The following RPS6KA2 variants were observed in gnomAD, a reference collection of about 807,000 sequenced individuals.
RPS6KA2 encodes ribosomal protein S6 kinase A2, also known as ribosomal protein S6 kinase alpha-2.
In RPS6KA2, 42 loss-of-function variants were observed where a neutral mutation model predicts 91.8. The observed-to-expected ratio is 0.46, with a 90% CI of 0.36 to 0.59. The LOEUF (loss-of-function observed/expected upper bound fraction) is 0.59. Among genes scored for constraint, RPS6KA2 ranks in the 20% least tolerant of loss-of-function variants. The pLI is 0.00. For missense variants in RPS6KA2, 798 were observed against 978.5 expected (o/e 0.82, Z 2.46); for synonymous variants, 414 against 393.6 (o/e 1.05, Z -0.61).
At chr6:166,610,121 T>C (rs1786113927) in intron 1 of RPS6KA2, among the ~76,000 whole-genome samples, 1 of 152,214 alleles carries the variant, frequency 6.6e-6, no homozygotes, top group Admixed American at 6.5e-5. Flanking sequence ...CAATGCTTCA[T>C]GGTAAACAGC....
chr6:166,604,079 T>A (rs1785849562), intron 1 of RPS6KA2, among the ~76,000 whole-genome samples: 1 of 152,182 alleles, frequency 6.6e-6, no homozygotes, highest in Admixed American at 6.5e-5. Context: ...TGATTAACCC[T>A]CCATGGAAAA....
At chr6:166,472,214 C>T (rs538620357) in intron 10 of RPS6KA2, among the ~76,000 whole-genome samples, 7 of 152,322 alleles carry the variant, frequency 4.6e-5, no homozygotes, top group African/African-American at 1.2e-4. Context: ...CCCTGGTACA[C>T]GCACAGGTGT....
chr6:166,735,045 A>G (rs962179542), intron 2 of RPS6KA2, among the ~76,000 whole-genome samples: 2 of 152,206 alleles, frequency 1.3e-5, no homozygotes, highest in Non-Finnish European at 2.9e-5. Context: ...GAATTATATC[A>G]TTCACAAAAA....
chr6:166,847,399 G>GA (rs1780633332), intron 2 of RPS6KA2, among the ~76,000 whole-genome samples: 1 of 151,998 alleles, frequency 6.6e-6, no homozygotes, highest in African/African-American at 2.4e-5. Flanking sequence ...CACAGAACTA[G>GA]AAAAAACAAT....
chr6:166,681,697 C>CCCCCA (rs1788818702), intron 2 of RPS6KA2, among the ~76,000 whole-genome samples: 1 of 74,238 alleles, frequency 1.3e-5, no homozygotes, highest in African/African-American at 6.7e-5. Flanking sequence ...CCCGCCCCCC[C>CCCCCA]CCCCGCCCCC....
rs112340841 is a variant in RPS6KA2, at chr6:166,418,092, GAAA to G, written c.1938+130_1938+132del. On this transcript the variant is annotated intron_variant, in intron 19 of 20. Transcript: ENST00000265678. The surrounding 1 kb of genome is among the most constrained non-coding windows in gnomAD (Gnocchi z 4.9). ...GAGACAGAGCGAGACTCCATTTCAA[GAAA>G]AAAAAAAAAATATGCTGAGGATAAA... The G allele has an allele frequency of 2.8e-5, 16 of 573,782 alleles. No individual in the cohort carries two copies. The highest frequency in any genetic ancestry group is 6.4e-5 in the East Asian group (2 of 31,124). 35.5% of individuals were successfully genotyped at this position (573,782 alleles called of 1,614,324 possible). A position where few individuals can be genotyped will look rare whatever the true frequency, so the allele number is the denominator to read the frequency against.
In RPS6KA2 at chr6:166,508,425, A is replaced by G. The variant is rs2128481808; in HGVS notation, c.380-143T>C. 1 of 614,444 alleles carries G rather than the reference A, an allele frequency of 1.6e-6. No homozygotes were observed. Among genetic ancestry groups the G allele is most frequent in the Non-Finnish European group, 2.9e-6 (1 of 339,646 alleles). The allele number at this position is 614,444 out of a possible 1,614,324, so 38.1% of individuals were successfully genotyped here. On this transcript the variant is annotated intron_variant, in intron 4 of 20. Transcript: ENST00000265678. This position sits in a 1 kb window ranked among gnomAD's most constrained non-coding sequence, Gnocchi z 4.3. The stretch of plus-strand genomic sequence containing the variant: ...AACGGCAGGACCCCGGCTGGTGACC[A>G]GCTCAGAGGGGCAGCACCCGGCAGA...
At chr6:166,544,686 C>T (rs538342729) in intron 1 of RPS6KA2, 2 of 152,174 alleles carry the variant, frequency 1.3e-5, no homozygotes, top group African/African-American at 4.8e-5. Context: ...GGGCCTAGGA[C>T]GTTTAGAGTG....
At chr6:166,744,698 G>A (rs1327212298) in intron 2 of RPS6KA2, among the ~76,000 whole-genome samples, 6 of 152,188 alleles carry the variant, frequency 3.9e-5, no homozygotes, top group Non-Finnish European at 8.8e-5. Context: ...CCCCAGGAGA[G>A]GAGGAGATGA....
intron 1 of RPS6KA2, among the ~76,000 whole-genome samples, chr6:166,859,275 T>C (rs559434441): frequency 6.6e-6 from 1 of 152,306 alleles, no homozygotes; most frequent in East Asian, 1.9e-4. Flanking sequence ...TGCTTATTCC[T>C]CCAAGAGAAC....
intron 1 of RPS6KA2, among the ~76,000 whole-genome samples, chr6:166,541,793 A>C (rs1783664453): frequency 1.3e-5 from 2 of 152,194 alleles, no homozygotes; most frequent in South Asian, 4.1e-4. Context: ...TTTTGTGCAG[A>C]TTCTTTCTGT....
chr6:166,469,692 G>A (rs558135780), intron 11 of RPS6KA2, 149 bp downstream of exon 11: 1 of 747,142 alleles, frequency 1.3e-6, no homozygotes, highest in Non-Finnish European at 2.4e-6. Flanking sequence ...AGGGTCCTGG[G>A]GGCTCCCTGC....
At chr6:166,561,612 C>T (rs928314080) in intron 1 of RPS6KA2, among the ~76,000 whole-genome samples, 7 of 151,762 alleles carry the variant, frequency 4.6e-5, no homozygotes, top group South Asian at 4.2e-4. Flanking sequence ...GCAGGCAAGA[C>T]GGCTGAAGGG....
At chr6:166,855,513 A>G (rs1209843445) in intron 2 of RPS6KA2, among the ~76,000 whole-genome samples, 3 of 140,688 alleles carry the variant, frequency 2.1e-5, no homozygotes, top group East Asian at 5.8e-4. Context: ...AAGAAGAAGA[A>G]GAATAAGAAG....
chr6:166,504,568 C>T lies in RPS6KA2; in HGVS notation c.504G>A (p.Leu168=). ...EEDVKFYLAE[L]ALALDHLHSL... is the part of the protein sequence containing the mutation. ...TGTGGAGATGGTCTAAAGCCAAGGC[C>T]AGCTCAGCCAGGTAGAACTTGACAT... The change falls in exon 6 of 21, where the codon CTG becomes CTA. Residue 168 remains leucine, a synonymous_variant. Coordinates refer to ENST00000265678, the MANE Select transcript of RPS6KA2 (RefSeq NM_021135.6). The T allele has an allele frequency of 6.2e-7, 1 of 1,613,922 alleles. No homozygotes were observed. Among genetic ancestry groups the T allele is most frequent in the Non-Finnish European group, 8.5e-7 (1 of 1,179,910 alleles).
At chr6:166,814,313 G>A (rs1282295463) in intron 2 of RPS6KA2, among the ~76,000 whole-genome samples, 1 of 152,180 alleles carries the variant, frequency 6.6e-6, no homozygotes, top group Non-Finnish European at 1.5e-5. Context: ...TGGTTTTAAG[G>A]CATAGTAAAG....
chr6:166,698,616 G>A (rs1464719959), intron 2 of RPS6KA2, among the ~76,000 whole-genome samples: 1 of 152,166 alleles, frequency 6.6e-6, no homozygotes, highest in African/African-American at 2.4e-5. Flanking sequence ...CTTCTTCTGG[G>A]GCTGTGATTT....
intron 2 of RPS6KA2, among the ~76,000 whole-genome samples, chr6:166,826,897 A>G (rs562865524): frequency 6.6e-6 from 1 of 152,326 alleles, no homozygotes; most frequent in East Asian, 1.9e-4. Context: ...TGCAGATGCT[A>G]TGAATTATAT....
chr6:166,624,046 G>GA (rs1300159968), intron 1 of RPS6KA2, among the ~76,000 whole-genome samples: 2 of 149,906 alleles, frequency 1.3e-5, no homozygotes, highest in East Asian at 1.9e-4. Flanking sequence ...TAAAAGAGAG[G>GA]AAAAAAAAGA....
Sources: allele counts gnomAD v4.1 joint callset (sites outside exome capture counted in the v4.1 genomes callset), GRCh38; gene constraint gnomAD v4.1.1; non-coding constraint Gnocchi (gnomAD v3.1); transcripts MANE v1.5; gene names NCBI Gene and HGNC (gene_info 2026-07-23, HGNC 2026-07-21).